The following DYNC2H1 variants were observed in gnomAD, a reference collection of about 807,000 sequenced individuals.
DYNC2H1 encodes the protein dynein cytoplasmic 2 heavy chain 1, also known as cytoplasmic dynein 2 heavy chain 1.
A neutral mutation model predicts 570.0 loss-of-function variants in DYNC2H1; 410 were observed. The observed-to-expected ratio is 0.72, with a 90% confidence interval of 0.66 to 0.78. DYNC2H1 has a LOEUF of 0.78. Ranked by LOEUF, DYNC2H1 falls within the 30% of genes least tolerant of loss-of-function variation. DYNC2H1 has a pLI of 0.00. For missense variants in DYNC2H1, 4,865 were observed against 5,046.4 expected (o/e 0.96, Z 1.09); for synonymous variants, 1,688 against 1,677.6 (o/e 1.01, Z -0.15).
intron 65 of DYNC2H1, among the ~76,000 whole-genome samples, chr11:103,248,151 G>A (rs1864690015): frequency 6.6e-6 from 1 of 152,008 alleles, no homozygotes; most frequent in South Asian, 2.1e-4. Flanking sequence ...TGGGCTGTGG[G>A]ATATCTCCTT....
chr11:103,229,947 C>T (rs1371065270), intron 59 of DYNC2H1, among the ~76,000 whole-genome samples: 2 of 152,182 alleles, frequency 1.3e-5, no homozygotes, highest in South Asian at 4.1e-4. Flanking sequence ...AAATTTGGTT[C>T]CTAGACCAGC....
Position 103,164,187 on chromosome 11 carries a change from A to G in DYNC2H1, c.4611+1040A>G, listed in dbSNP as rs540464619. 8.7e-5 allele frequency among the ~76,000 whole-genome samples: 13 copies of G among 149,550 alleles called. 1 individual carries two copies. In the South Asian group the frequency reaches 2.8e-3, roughly 33 times the overall value. ...AGAATAAAAGACACAGTATACAAAA[A>G]GTCTACAAAAGCAATATTGTATAAT... On this transcript the variant is annotated intron_variant, in intron 30 of 88. Coordinates refer to ENST00000375735, the MANE Select transcript of DYNC2H1 (RefSeq NM_001377.3).
Position 103,355,556 on chromosome 11 carries a change from A to G in DYNC2H1, c.12040-2687A>G, listed in dbSNP as rs567210234. On this transcript the variant is annotated intron_variant, in intron 82 of 88. Coordinates refer to ENST00000375735, the MANE Select transcript of DYNC2H1 (RefSeq NM_001377.3). The stretch of plus-strand genomic sequence containing the variant: ...TTCATGATATCCAAAGGAAAATACA[A>G]TTATGTATAAGATTTAGTGTCTTAC... Among the ~76,000 whole-genome samples the G allele has an allele frequency of 3.3e-5, 5 of 152,308 alleles. No individual in the cohort carries two copies. The East Asian group carries it at 7.7e-4, about 23-fold the overall frequency.
At chr11:103,414,012 TATC>T (rs1943188161) in intron 84 of DYNC2H1, among the ~76,000 whole-genome samples, 1 of 151,940 alleles carries the variant, frequency 6.6e-6, no homozygotes, top group Admixed American at 6.6e-5. Flanking sequence ...AAAGAAGTTT[TATC>T]ATTATTATTT....
chr11:103,109,799 C>A, intron 1 of DYNC2H1, 30 bp downstream of exon 1: 1 of 1,593,118 alleles, frequency 6.3e-7, no homozygotes. Context: ...TGCCTGACCC[C>A]TGACCACTCT....
At chr11:103,286,901 G>T (rs1866372466) in intron 74 of DYNC2H1, among the ~76,000 whole-genome samples, 1 of 152,080 alleles carries the variant, frequency 6.6e-6, no homozygotes, top group African/African-American at 2.4e-5. Context: ...ACCCCTTTGT[G>T]TCTCCATATA....
At chr11:103,342,728 C>G (rs1486494428) in intron 82 of DYNC2H1, among the ~76,000 whole-genome samples, 2 of 151,822 alleles carry the variant, frequency 1.3e-5, no homozygotes, top group African/African-American at 4.8e-5. Flanking sequence ...ATGGTCTCGA[C>G]CTCCTGACCT....
chr11:103,134,263 G>T (rs749996015), intron 14 of DYNC2H1, 58 bp from the exon 15 acceptor site: 2 of 1,522,372 alleles, frequency 1.3e-6, no homozygotes, highest in African/African-American at 2.7e-5. Flanking sequence ...TTTCTCCACT[G>T]AAAAGTTACT....
chr11:103,160,812 C>T (rs2134917718), intron 28 of DYNC2H1, 120 bp from the exon 29 acceptor site: 1 of 491,802 alleles, frequency 2.0e-6, no homozygotes, highest in East Asian at 3.6e-5. Context: ...ATGTGGTATA[C>T]ATTATAATTT....
chr11:103,164,030 C>T (rs1421982318), intron 30 of DYNC2H1, among the ~76,000 whole-genome samples: 1 of 152,088 alleles, frequency 6.6e-6, no homozygotes, highest in Non-Finnish European at 1.5e-5. Flanking sequence ...AGCTCAAATT[C>T]TTAGAGAAAA....
chr11:103,155,966 G>A (rs78973163), intron 25 of DYNC2H1, among the ~76,000 whole-genome samples: 2,571 of 152,146 alleles, frequency 0.017, 77 homozygotes, highest in African/African-American at 0.057. Context: ...TAACTCTAGT[G>A]GATTGTTAAT....
At chr11:103,415,605 A>G (rs1004875316) in intron 84 of DYNC2H1, among the ~76,000 whole-genome samples, 2 of 152,206 alleles carry the variant, frequency 1.3e-5, no homozygotes, top group African/African-American at 2.4e-5. Context: ...ATGAGATACC[A>G]TCTCATGCCA....
At chr11:103,450,572 A>G in intron 85 of DYNC2H1, among the ~76,000 whole-genome samples, 2 of 152,372 alleles carry the variant, frequency 1.3e-5, no homozygotes, top group Admixed American at 1.3e-4. Flanking sequence ...TAAAATAAAT[A>G]CTTGTAAATA....
Position 103,177,757 on chromosome 11 carries a change from A to T in DYNC2H1, c.6076A>T (p.Thr2026Ser). The change falls in exon 38 of 89, where the codon ACA (threonine) becomes TCA (serine). Residue 2026 changes from threonine to serine, a missense_variant. Thr to Ser is a moderately conservative substitution (Grantham distance 58, BLOSUM62 1). Transcript: ENST00000375735. The surrounding 1 kb of genome is among the most constrained non-coding windows in gnomAD (Gnocchi z 4.4). ...ATTATTAGGCCATATTGACATGGAC[A>T]CAAGAGAATGGTCTGATGGTGTTTT... ...YQLLGHIDMDTREWSDGVLTN... is the reference protein window; with the variant it reads ...YQLLGHIDMDSREWSDGVLTN... The T allele has an allele frequency of 6.2e-7, 1 of 1,613,332 alleles. No homozygotes were observed. Among genetic ancestry groups the T allele is most frequent in the Admixed American group, 1.7e-5 (1 of 59,900 alleles).
At chr11:103,292,403 C>A (rs937055086) in intron 75 of DYNC2H1, among the ~76,000 whole-genome samples, 3 of 152,184 alleles carry the variant, frequency 2.0e-5, no homozygotes, top group African/African-American at 7.2e-5. Context: ...AAACTCAATT[C>A]CCTTTCCCCC....
intron 87 of DYNC2H1, among the ~76,000 whole-genome samples, chr11:103,468,095 A>AC (rs1214573430): frequency 1.3e-5 from 2 of 152,224 alleles, no homozygotes; most frequent in African/African-American, 2.4e-5. Context: ...CACCAAGGTT[A>AC]CCTTAAAGAC....
rs530565283 is a variant in DYNC2H1, at chr11:103,147,866, T to A, written c.2797T>A (p.Ser933Thr). 5 of 1,609,876 alleles carry A rather than the reference T, an allele frequency of 3.1e-6. No individual in the cohort carries two copies. The South Asian group carries it at 5.5e-5, about 18-fold the overall frequency. ...IQKLFDLLVL[S>T]LKKSIQAHLH... ...GAAGTTATTTGATCTGCTTGTTCTTTCTTTGAAGAAGTCCATACAGGGTAA... is the reference window on the plus strand; with the variant it reads ...GAAGTTATTTGATCTGCTTGTTCTTACTTTGAAGAAGTCCATACAGGGTAA... The change falls in exon 19 of 89, where the codon TCT becomes ACT. Residue 933 changes from serine to threonine, a missense_variant. Physicochemically the swap from Ser to Thr is moderately conservative, Grantham distance 58. This residue lies in a region of DYNC2H1 where 1,936 missense variants were observed against 1,962.1 expected (regional missense o/e 0.99). Transcript: ENST00000375735.
chr11:103,132,826 C>CTGAGTAACCAAG lies in DYNC2H1; in HGVS notation c.1954-729_1954-728insTGAGTAACCAAG, dbSNP rs1315587318. On this transcript the variant is annotated intron_variant, in intron 13 of 88. Transcript: ENST00000375735. The stretch of plus-strand genomic sequence containing the variant: ...GCACCAACTTGGAGGCACCTTGTTG[C>CTGAGTAACCAAG]CTCCAAGCTGGGGTGTAAGCTCAGC... Among the ~76,000 whole-genome samples, 32 of 152,008 alleles carry CTGAGTAACCAAG rather than the reference C, an allele frequency of 2.1e-4. No homozygotes were observed. The East Asian group carries it at 5.4e-3, about 26-fold the overall frequency.
rs1268025885 is a variant in DYNC2H1 at position 103,239,490 on chromosome 11, A to T, written c.9819+2951A>T. The stretch of plus-strand genomic sequence containing the variant: ...CTCATGTAATTCTCAAATCAACCCA[A>T]TCTGTTAGATTCATGTGTTATCCCT... On this transcript the variant is annotated intron_variant, in intron 63 of 88. Transcript: ENST00000375735. This position sits in a 1 kb window ranked among gnomAD's most constrained non-coding sequence, Gnocchi z 4.3. Among the ~76,000 whole-genome samples the T allele has an allele frequency of 6.6e-6, 1 of 152,138 alleles. No individual in the cohort carries two copies.
Sources: allele counts gnomAD v4.1 joint callset (sites outside exome capture counted in the v4.1 genomes callset), GRCh38; gene constraint gnomAD v4.1.1; regional missense constraint gnomAD v4.1.1; non-coding constraint Gnocchi (gnomAD v3.1); transcripts MANE v1.5; gene names NCBI Gene and HGNC (gene_info 2026-07-23, HGNC 2026-07-21).